The following HERC1 variants were observed in gnomAD, a reference collection of about 807,000 sequenced individuals.
HERC1 encodes HECT and RLD domain containing E3 ubiquitin protein ligase family member 1, also known as probable E3 ubiquitin-protein ligase HERC1.
In HERC1, 160 loss-of-function variants were observed where a neutral mutation model predicts 554.3. The ratio of observed to expected loss-of-function variants is 0.29; its 90% CI spans 0.25 to 0.33. The LOEUF (loss-of-function observed/expected upper bound fraction) is 0.33, where lower values mean the gene tolerates loss of function less well. HERC1 is among the 10% of genes least tolerant of loss of function. The probability of loss-of-function intolerance (pLI) is 1.00; values close to 1 mark genes in which losing one functional copy is unlikely to be tolerated. For synonymous variants in HERC1, 2,175 were observed against 2,131.7 expected (o/e 1.02, Z -0.56); for missense variants, 4,919 against 5,918.5 (o/e 0.83, Z 5.54).
At chr15:63,654,755 G>C (rs2069920323) in intron 50 of HERC1, among the ~76,000 whole-genome samples, 1 of 151,628 alleles carries the variant, frequency 6.6e-6, no homozygotes, top group Non-Finnish European at 1.5e-5. Context: ...TATAATCCCA[G>C]CTACTCGGGA....
rs1168982041 is a variant in HERC1 at position 63,775,497 on chromosome 15, T to C, written c.127A>G (p.Ser43Gly). 1.2e-6 allele frequency: 2 copies of C among 1,614,038 alleles called. No homozygotes were observed. Among genetic ancestry groups the C allele is most frequent in the South Asian group, 2.2e-5 (2 of 91,080 alleles). ...GGCAAAGGTACTACTTCCTTATTGC[T>C]AACCAGTTTAGAATACAGAACAGCA... ...GVAVLYSKLV[S>G]NKEVVPLPQQ... Residue 43 changes from serine (S) to glycine (G), a missense_variant, in exon 2 of 78, where the codon AGC becomes GGC. This residue lies in a region of HERC1 where 110 missense variants were observed against 99.3 expected (regional missense o/e 1.11). Transcript: ENST00000443617. This position sits in a 1 kb window ranked among gnomAD's most constrained non-coding sequence, Gnocchi z 4.0.
chr15:63,696,398 G>A, intron 26 of HERC1, 59 bp from the exon 27 acceptor site: 1 of 1,213,670 alleles, frequency 8.2e-7, no homozygotes, highest in Non-Finnish European at 1.2e-6. Context: ...ATGAAACTCT[G>A]TATGCCAAAA....
rs184840243 is a variant in HERC1 at position 63,667,070 on chromosome 15, T to C, written c.8207-598A>G. Among the ~76,000 whole-genome samples the C allele has an allele frequency of 2.4e-3, 359 of 152,330 alleles. 1 individual carries two copies. The highest frequency in any genetic ancestry group is 7.9e-3 in the African/African-American group (329 of 41,568). On this transcript the variant is annotated intron_variant, in intron 40 of 77. Transcript: ENST00000443617. ...GCTGTAATGTGCCTTATGAAGAAAA[T>C]ACATATGTTAGATAAGCTTCATTCA... is the stretch of plus-strand genomic sequence containing the variant.
chr15:63,774,628 T>C lies in HERC1; in HGVS notation c.930+66A>G. 2 of 1,195,312 alleles carry C rather than the reference T, an allele frequency of 1.7e-6. 1 individual carries two copies. The highest frequency in any genetic ancestry group is 3.1e-5 in the South Asian group (2 of 63,712). 74.0% of individuals were successfully genotyped at this position (1,195,312 alleles called of 1,614,324 possible). On this transcript the variant is annotated intron_variant, in intron 2 of 77. Coordinates refer to ENST00000443617, the MANE Select transcript of HERC1 (RefSeq NM_003922.4). Reference sequence around the variant, plus strand: ...ATCATTCACTATTACCACCAATTCATTAAAAACTGCATTGACTTTTCCAAA... The same window carrying C: ...ATCATTCACTATTACCACCAATTCACTAAAAACTGCATTGACTTTTCCAAA...
At position 63,718,817 on chromosome 15, in the gene HERC1, T is replaced by G; in HGVS notation, c.3823A>C (p.Thr1275Pro). 1 of 1,613,726 alleles carries G rather than the reference T, an allele frequency of 6.2e-7. No homozygotes were observed. The highest frequency in any genetic ancestry group is 8.5e-7 in the Non-Finnish European group (1 of 1,179,684). Residue 1275 changes from threonine (T) to proline (P), a missense_variant, in exon 20 of 78, where the codon ACA becomes CCA. Thr to Pro is a conservative substitution (Grantham distance 38, BLOSUM62 -1). Coordinates refer to ENST00000443617, the MANE Select transcript of HERC1 (RefSeq NM_003922.4). The surrounding 1 kb of genome is among the most constrained non-coding windows in gnomAD (Gnocchi z 4.2). ...CCACATGCTTGACTAAGTAAATTTGTGTGTTTCAGAAGAGCTGCAAGAACA... is the reference window on the plus strand; with the variant it reads ...CCACATGCTTGACTAAGTAAATTTGGGTGTTTCAGAAGAGCTGCAAGAACA... ...RFVLAALLKHTNLLSQACGES... is the reference protein window; with the variant it reads ...RFVLAALLKHPNLLSQACGES...
intron 39 of HERC1, among the ~76,000 whole-genome samples, chr15:63,671,730 T>C (rs758538480): frequency 6.6e-6 from 1 of 152,126 alleles, no homozygotes; most frequent in South Asian, 2.1e-4. Context: ...ATCACTACAA[T>C]AGACACTCCC....
rs146978602 is a variant in HERC1, at chr15:63,704,903, T to C, written c.4636+1877A>G. Among the ~76,000 whole-genome samples, 716 of 152,006 alleles carry C rather than the reference T, an allele frequency of 4.7e-3. 10 individuals carry two copies. Among genetic ancestry groups the C allele is most frequent in the African/African-American group, 0.017 (688 of 41,470 alleles). ...ACAGGCGCCCACCACCACGCCCGGCTAATTTTTTGTATTTTTAGTAGAGAC... is the reference window on the plus strand; with the variant it reads ...ACAGGCGCCCACCACCACGCCCGGCCAATTTTTTGTATTTTTAGTAGAGAC... On this transcript the variant is annotated intron_variant, in intron 25 of 77. Transcript: ENST00000443617.
intron 39 of HERC1, among the ~76,000 whole-genome samples, chr15:63,671,294 T>A (rs1311817410): frequency 6.6e-6 from 1 of 151,368 alleles, no homozygotes; most frequent in African/African-American, 2.4e-5. Flanking sequence ...GGCTTGAATC[T>A]AGAAGACTTT....
intron 25 of HERC1, among the ~76,000 whole-genome samples, chr15:63,701,483 G>C (rs2072721032): frequency 6.6e-6 from 1 of 152,134 alleles, no homozygotes; most frequent in African/African-American, 2.4e-5. Flanking sequence ...AAATATTTTA[G>C]GCTTTGCAGA....
At position 63,678,139 on chromosome 15, in the gene HERC1, C is replaced by T. The variant is rs112791137; in HGVS notation, c.6776G>A (p.Arg2259His). 3.0e-3 allele frequency: 4,902 copies of T among 1,613,940 alleles called. 12 individuals are homozygous for T. Among genetic ancestry groups the T allele is most frequent in the Non-Finnish European group, 3.9e-3 (4,613 of 1,179,856 alleles). Residue 2259 changes from arginine (R) to histidine (H), a missense_variant, in exon 37 of 78, where the codon CGC becomes CAC. Physicochemically the swap from Arg to His is conservative, Grantham distance 29 (BLOSUM62 0). This residue lies in a region of HERC1 where 1,963 missense variants were observed against 2,228.6 expected (regional missense o/e 0.88). Transcript: ENST00000443617. ...ATTTTCCTCTCGGCTCTGAACCGAGCGGCTTTTCTTTAGCTTCTGACCTGA... is the reference window on the plus strand; with the variant it reads ...ATTTTCCTCTCGGCTCTGAACCGAGTGGCTTTTCTTTAGCTTCTGACCTGA... Reference protein sequence around the residue: ...KESGQKLKKSRSVQSREENEM... With the variant: ...KESGQKLKKSHSVQSREENEM...
At chr15:63,652,633 T>C in intron 51 of HERC1, 92 bp from the exon 52 acceptor site, 2 of 1,076,560 alleles carry the variant, frequency 1.9e-6, no homozygotes, top group South Asian at 1.6e-5. Flanking sequence ...AAATCTACCA[T>C]GAAATTAAAA....
intron 1 of HERC1, among the ~76,000 whole-genome samples, chr15:63,822,526 C>CA (rs2077738023): frequency 6.6e-6 from 1 of 151,180 alleles, no homozygotes; most frequent in South Asian, 2.1e-4. Flanking sequence ...GCAGAGGTTG[C>CA]AGTGAGCCGA....
At chr15:63,667,900 T>C (rs1325483198) in intron 40 of HERC1, among the ~76,000 whole-genome samples, 1 of 152,166 alleles carries the variant, frequency 6.6e-6, no homozygotes, top group East Asian at 1.9e-4. Context: ...AACGGGAATA[T>C]GACTATAATG....
At chr15:63,710,276 T>C (rs1488992873) in intron 24 of HERC1, among the ~76,000 whole-genome samples, 2 of 152,214 alleles carry the variant, frequency 1.3e-5, no homozygotes, top group Non-Finnish European at 2.9e-5. Context: ...GTTGTTGTTA[T>C]GTGTGTTTCC....
chr15:63,684,475 T>A (rs1472725899), intron 34 of HERC1, among the ~76,000 whole-genome samples: 1 of 152,220 alleles, frequency 6.6e-6, no homozygotes, highest in Non-Finnish European at 1.5e-5. Flanking sequence ...AATGTTTTTG[T>A]GTGAAAACTC....
In HERC1 at chr15:63,612,124, G is replaced by T; in HGVS notation, c.14400+127C>A. 1 of 791,574 alleles carries T rather than the reference G, an allele frequency of 1.3e-6. No homozygotes were observed. The highest frequency in any genetic ancestry group is 2.0e-6 in the Non-Finnish European group (1 of 507,648). The allele number at this position is 791,574 out of a possible 1,614,324, so 49.0% of individuals were successfully genotyped here. A position where few individuals can be genotyped will look rare whatever the true frequency, so the allele number is the denominator to read the frequency against. Reference sequence around the variant, plus strand: ...AACTGCTTGAAGCTAGGAAGCGGAGGTTGCAGTAAGCTAAAATCATGCCAC... The same window carrying T: ...AACTGCTTGAAGCTAGGAAGCGGAGTTTGCAGTAAGCTAAAATCATGCCAC... On this transcript the variant is annotated intron_variant, in intron 77 of 77. Coordinates refer to ENST00000443617, the MANE Select transcript of HERC1 (RefSeq NM_003922.4). The surrounding 1 kb of genome is among the most constrained non-coding windows in gnomAD (Gnocchi z 5.0).
intron 74 of HERC1, among the ~76,000 whole-genome samples, chr15:63,620,120 TGTGGGCATTTA>T (rs2068008148): frequency 2.0e-5 from 3 of 152,338 alleles, no homozygotes; most frequent in African/African-American, 7.2e-5. Context: ...TGCTTTCTCT[TGTGGGCATTTA>T]GTGCTATAAA....
chr15:63,744,956 G>A (rs77615461), intron 12 of HERC1, among the ~76,000 whole-genome samples: 2,646 of 152,186 alleles, frequency 0.017, 76 homozygotes, highest in African/African-American at 0.061. Context: ...TGGGCTCTTC[G>A]GTTAGCAGGT....
At chr15:63,742,198 ACTT>A (rs1224220923) in intron 12 of HERC1, among the ~76,000 whole-genome samples, 5 of 152,136 alleles carry the variant, frequency 3.3e-5, no homozygotes, top group South Asian at 4.1e-4. Context: ...CAAGTCTTAC[ACTT>A]CTTTTGTTAA....
Sources: gnomAD v4.1 joint callset for allele counts (sites outside exome capture counted in the v4.1 genomes callset) on GRCh38, gnomAD v4.1.1 for gene constraint, gnomAD v4.1.1 regional missense constraint, Gnocchi (gnomAD v3.1) non-coding constraint, MANE v1.5 for transcripts, NCBI Gene and HGNC (gene_info 2026-07-23, HGNC 2026-07-21) for gene names.